The following CCNJL variants were observed in gnomAD, a reference collection of about 807,000 sequenced individuals.
The protein encoded by CCNJL is cyclin J like, also known as cyclin-J-like protein.
CCNJL carries 33 observed loss-of-function variants against 33.4 expected under a neutral mutation model. The ratio of observed to expected loss-of-function variants is 0.99; its 90% CI spans 0.75 to 1.32. The LOEUF (loss-of-function observed/expected upper bound fraction) is 1.32. Among genes scored for constraint, CCNJL ranks in the 40% most tolerant of loss-of-function variants. The pLI is 0.00. For synonymous variants in CCNJL, 227 were observed against 220.9 expected, an observed-to-expected ratio of 1.03 and a Z score of -0.24; for missense variants, 512 against 499.7, an observed-to-expected ratio of 1.02 and a Z score of -0.23.
At chr5:160,277,653 G>A (rs1046630748) in intron 3 of CCNJL, among the ~76,000 whole-genome samples, 1 of 151,946 alleles carries the variant, frequency 6.6e-6, no homozygotes, top group South Asian at 2.1e-4. Context: ...CCTGTGGCCC[G>A]CAGACATGGG....
chr5:160,312,358 A>G lies in CCNJL; in HGVS notation c.-50+6T>C, dbSNP rs1018844948. On this transcript the variant is annotated splice_donor_region_variant and intron_variant, in intron 1 of 5. Coordinates refer to ENST00000257536, the MANE Select transcript of CCNJL (RefSeq NM_001308173.3). Reference sequence around the variant, plus strand: ...CATCCTGCCCTCGAGCCGGGGCGAAACTCACGCATCCTCTCTGGGCGTGGG... The same window carrying G: ...CATCCTGCCCTCGAGCCGGGGCGAAGCTCACGCATCCTCTCTGGGCGTGGG... 27 of 179,882 alleles carry G rather than the reference A, an allele frequency of 1.5e-4. No individual in the cohort carries two copies. Among genetic ancestry groups the G allele is most frequent in the African/African-American group, 6.3e-4 (26 of 41,576 alleles). The allele number at this position is 179,882 out of a possible 1,614,324, so 11.1% of individuals were successfully genotyped here.
chr5:160,338,166 G>C (rs1763705236), intron 1 of CCNJL, among the ~76,000 whole-genome samples: 1 of 152,228 alleles, frequency 6.6e-6, no homozygotes, highest in Non-Finnish European at 1.5e-5. Context: ...GGAGGCCAAG[G>C]CGGGTGGGTC....
intron 1 of CCNJL, among the ~76,000 whole-genome samples, chr5:160,337,861 A>C (rs777104958): frequency 1.2e-4 from 18 of 152,152 alleles, no homozygotes; most frequent in Admixed American, 8.5e-4. Flanking sequence ...TTTAAAATAG[A>C]GCCAAATGAC....
In CCNJL at chr5:160,304,838, G is replaced by A. The variant is rs191392059; in HGVS notation, c.66+7020C>T. 6.9e-4 allele frequency among the ~76,000 whole-genome samples: 90 copies of A among 130,810 alleles called. 1 individual carries two copies. The Middle Eastern group carries it at 0.011, about 16-fold the overall frequency. The allele number at this position is 130,810 out of a possible 152,430, so 85.8% of individuals were successfully genotyped here. On this transcript the variant is annotated intron_variant, in intron 2 of 5. Coordinates refer to ENST00000257536, the MANE Select transcript of CCNJL (RefSeq NM_001308173.3). ...ACTTTCTTTCTTTTTTTTTTTAGAG[G>A]AAATCTCGCTCTGTCACCAGGCTGG...
intron 2 of CCNJL, among the ~76,000 whole-genome samples, chr5:160,305,929 A>T (rs1299075003): frequency 6.6e-6 from 1 of 152,206 alleles, no homozygotes; most frequent in African/African-American, 2.4e-5. Flanking sequence ...GTTTTGGAAG[A>T]TCTTTGCATA....
intron 3 of CCNJL, among the ~76,000 whole-genome samples, chr5:160,279,840 A>G (rs1203513440): frequency 6.6e-6 from 1 of 152,158 alleles, no homozygotes; most frequent in African/African-American, 2.4e-5. Flanking sequence ...AAACCATGGG[A>G]TGATGTTAAG....
At chr5:160,302,500 A>G (rs1762955340) in intron 2 of CCNJL, among the ~76,000 whole-genome samples, 1 of 152,150 alleles carries the variant, frequency 6.6e-6, no homozygotes, top group African/African-American at 2.4e-5. Flanking sequence ...AGTTATTTAG[A>G]TTATTAAAAT....
intron 1 of CCNJL, among the ~76,000 whole-genome samples, chr5:160,326,022 G>T (rs914405185): frequency 6.6e-6 from 1 of 152,144 alleles, no homozygotes; most frequent in Non-Finnish European, 1.5e-5. Context: ...CTGCTACAAG[G>T]CACCAACTGT....
chr5:160,254,200 TG>T, intron 5 of CCNJL: 1 of 521,574 alleles, frequency 1.9e-6, no homozygotes, highest in Non-Finnish European at 3.4e-6. Flanking sequence ...GGAGTGTTCC[TG>T]GGGCCTGAAT....
chr5:160,321,062 CTTTCTTTCTTTCTTTCTT>C (rs1763453943), intron 1 of CCNJL, among the ~76,000 whole-genome samples: 4 of 121,372 alleles, frequency 3.3e-5, no homozygotes, highest in African/African-American at 1.7e-4. Flanking sequence ...TTCTTTCTTT[CTTTCTTTCTTTCTTTCTT>C]TCTTTCTTTC....
intron 1 of CCNJL, among the ~76,000 whole-genome samples, chr5:160,335,377 T>G (rs573630518): frequency 2.4e-3 from 363 of 152,314 alleles, no homozygotes; most frequent in Non-Finnish European, 3.9e-3. Flanking sequence ...TTATATATTT[T>G]TATATACAGA....
At position 160,268,550 on chromosome 5, in the gene CCNJL, G is replaced by C. The variant is rs1761702059; in HGVS notation, c.281-8779C>G. Among the ~76,000 whole-genome samples the C allele has an allele frequency of 2.6e-5, 4 of 152,352 alleles. No individual in the cohort carries two copies. In the South Asian group the frequency reaches 8.3e-4, roughly 32 times the overall value. ...TGACAGTGGTTTGGTTTCTGGATGA[G>C]ATTTGGTGTAGGGGAGAGAGAAAGC... is the stretch of plus-strand genomic sequence containing the variant. On this transcript the variant is annotated intron_variant, in intron 3 of 5. Transcript: ENST00000257536.
At chr5:160,303,580 A>T (rs1015728213) in intron 2 of CCNJL, among the ~76,000 whole-genome samples, 2 of 151,868 alleles carry the variant, frequency 1.3e-5, no homozygotes, top group African/African-American at 4.8e-5. Context: ...ACAGTAAAGG[A>T]CACACACCAA....
intron 2 of CCNJL, among the ~76,000 whole-genome samples, chr5:160,300,202 C>A (rs1762879566): frequency 6.6e-6 from 1 of 152,114 alleles, no homozygotes; most frequent in Admixed American, 6.5e-5. Context: ...CACTGAGTGC[C>A]TCAGGATGAT....
At chr5:160,260,860 C>T (rs1481788580) in intron 3 of CCNJL, among the ~76,000 whole-genome samples, 7 of 152,022 alleles carry the variant, frequency 4.6e-5, no homozygotes, top group Non-Finnish European at 4.4e-5. Flanking sequence ...TCTCAGAAGA[C>T]GCCCTCCACA....
At chr5:160,322,620 T>C (rs917595109) in intron 1 of CCNJL, among the ~76,000 whole-genome samples, 1 of 152,158 alleles carries the variant, frequency 6.6e-6, no homozygotes, top group Non-Finnish European at 1.5e-5. Flanking sequence ...TTTAAAAATG[T>C]CCCTCGGCTG....
At chr5:160,326,989 T>A (rs1484926444) in intron 1 of CCNJL, 8 of 550,486 alleles carry the variant, frequency 1.5e-5, no homozygotes, top group African/African-American at 9.5e-5. Flanking sequence ...AACAATGAAG[T>A]GAGAAATTGT....
chr5:160,326,362 C>G (rs1431803094), intron 1 of CCNJL, among the ~76,000 whole-genome samples: 2 of 151,836 alleles, frequency 1.3e-5, no homozygotes, highest in African/African-American at 4.8e-5. Flanking sequence ...GTAACCCTAG[C>G]TACTTGGGTG....
intron 4 of CCNJL, 85 bp downstream of exon 4, chr5:160,259,384 G>C (rs1761214856): frequency 4.8e-6 from 6 of 1,241,110 alleles, no homozygotes; most frequent in South Asian, 1.4e-5. Context: ...GATCTGGATG[G>C]ACATGCCTTT....
Sources: allele counts gnomAD v4.1 joint callset (sites outside exome capture counted in the v4.1 genomes callset), GRCh38; gene constraint gnomAD v4.1.1; transcripts MANE v1.5; gene names NCBI Gene and HGNC (gene_info 2026-07-23, HGNC 2026-07-21).